The following ITPR1 variants were observed in gnomAD, a reference collection of about 807,000 sequenced individuals.
ITPR1 encodes inositol 1,4,5-trisphosphate receptor type 1, also known as inositol 1,4,5-trisphosphate-gated calcium channel ITPR1.
A neutral mutation model predicts 318.4 loss-of-function variants in ITPR1; 96 were observed. That is an observed-to-expected ratio of 0.30 (90% CI 0.26 to 0.36). ITPR1 has a LOEUF of 0.36. Ranked by LOEUF, ITPR1 falls within the 10% of genes least tolerant of loss-of-function variation. The pLI is 1.00. For synonymous variants in ITPR1, 1,312 were observed against 1,289.9 expected (o/e 1.02, Z -0.37); for missense variants, 2,440 against 3,460.2 (o/e 0.71, Z 7.40).
At chr3:4,656,121 C>T (rs539917787) in intron 12 of ITPR1, among the ~76,000 whole-genome samples, 1 of 152,312 alleles carries the variant, frequency 6.6e-6, no homozygotes, top group African/African-American at 2.4e-5. Flanking sequence ...CAGAGGCTCC[C>T]GCTCCTCTGC....
chr3:4,550,776 A>G (rs1011674678), intron 4 of ITPR1, among the ~76,000 whole-genome samples: 1 of 152,102 alleles, frequency 6.6e-6, no homozygotes, highest in African/African-American at 2.4e-5. Context: ...GCTACTAGGG[A>G]GGCTAAGGCA....
rs1040378394 is a variant in ITPR1, at chr3:4,567,750, C to T, written c.163+46656C>T. ...ACGAGTAGCTGGGACTACAGGCATG[C>T]GTCACCACACCCAGCTAATTTTTTT... is the stretch of plus-strand genomic sequence containing the variant. On this transcript the variant is annotated intron_variant, in intron 4 of 61. Transcript: ENST00000649015. 7.2e-5 allele frequency among the ~76,000 whole-genome samples: 11 copies of T among 152,152 alleles called. 1 individual carries two copies. The highest frequency in any genetic ancestry group is 2.0e-4 in the Admixed American group (3 of 15,288).
chr3:4,630,867 G>A (rs1269365851), intron 5 of ITPR1, among the ~76,000 whole-genome samples: 1 of 152,094 alleles, frequency 6.6e-6, no homozygotes, highest in Non-Finnish European at 1.5e-5. Flanking sequence ...GATTATAGGG[G>A]TGAGCCACCG....
chr3:4,582,580 A>G (rs972637876), intron 4 of ITPR1, among the ~76,000 whole-genome samples: 1 of 152,220 alleles, frequency 6.6e-6, no homozygotes, highest in Non-Finnish European at 1.5e-5. Flanking sequence ...ATCCAAGATG[A>G]TGAGTGGTTG....
Position 4,800,613 on chromosome 3 carries a change from AC to A in ITPR1, c.7107+15del, listed in dbSNP as rs1286113943. On this transcript the variant is annotated intron_variant, in intron 54 of 61. Transcript: ENST00000649015. Reference sequence around the variant, plus strand: ...GGGCGCTTTCAATGTAAGTGTGAATACCTTCCTTGCCACTGTTTTGTTTGCA... The same window carrying A: ...GGGCGCTTTCAATGTAAGTGTGAATACTTCCTTGCCACTGTTTTGTTTGCA... 6.2e-7 allele frequency: 1 copy of A among 1,612,142 alleles called. No individual in the cohort carries two copies. The highest frequency in any genetic ancestry group is 8.5e-7 in the Non-Finnish European group (1 of 1,178,450).
At chr3:4,711,692 T>C in intron 38 of ITPR1, 65 bp from the exon 39 acceptor site, 2 of 845,356 alleles carry the variant, frequency 2.4e-6, no homozygotes, top group South Asian at 3.0e-5. Flanking sequence ...AATAAATTGC[T>C]TGTGAAGTCT....
intron 39 of ITPR1, among the ~76,000 whole-genome samples, chr3:4,716,244 C>A (rs1041294450): frequency 1.3e-5 from 2 of 152,112 alleles, no homozygotes; most frequent in Non-Finnish European, 2.9e-5. Context: ...CTAAATAGCT[C>A]TAAAATTTAA....
At chr3:4,762,555 C>T (rs980897736) in intron 44 of ITPR1, among the ~76,000 whole-genome samples, 2 of 152,202 alleles carry the variant, frequency 1.3e-5, no homozygotes, top group Non-Finnish European at 2.9e-5. Flanking sequence ...TCACATTCTA[C>T]TAATGTAATG....
chr3:4,596,348 T>A (rs1459937049), intron 4 of ITPR1, among the ~76,000 whole-genome samples: 1 of 152,216 alleles, frequency 6.6e-6, no homozygotes, highest in East Asian at 1.9e-4. Flanking sequence ...TATTAGTTTT[T>A]AAAAATGTTT....
intron 4 of ITPR1, among the ~76,000 whole-genome samples, chr3:4,608,392 G>C (rs1198526151): frequency 6.6e-6 from 1 of 152,110 alleles, no homozygotes; most frequent in East Asian, 1.9e-4. Context: ...AGCTTCTTTT[G>C]AGACACGATT....
rs554884100 is a variant in ITPR1, at chr3:4,621,151, C to T, written c.164-6612C>T. Among the ~76,000 whole-genome samples, 38 of 152,194 alleles carry T rather than the reference C, an allele frequency of 2.5e-4. 2 individuals are homozygous for T. Among genetic ancestry groups the T allele is most frequent in the Admixed American group, 7.9e-4 (12 of 15,284 alleles). ...CATCACTGTATTAGCGTAATGTTGT[C>T]GCACTGCTACAGAGAAATACAAGAT... On this transcript the variant is annotated intron_variant, in intron 4 of 61. Coordinates refer to ENST00000649015, the MANE Select transcript of ITPR1 (RefSeq NM_001378452.1).
intron 10 of ITPR1, among the ~76,000 whole-genome samples, chr3:4,649,523 C>T (rs1488446165): frequency 6.6e-6 from 1 of 152,176 alleles, no homozygotes; most frequent in Non-Finnish European, 1.5e-5. Flanking sequence ...CAATATCCTC[C>T]CATTCTCCTG....
At chr3:4,820,836 T>A (rs1172844537) in intron 60 of ITPR1, among the ~76,000 whole-genome samples, 1 of 152,102 alleles carries the variant, frequency 6.6e-6, no homozygotes, top group Non-Finnish European at 1.5e-5. Context: ...TGCGGACTCC[T>A]AAGGGAGCAT....
intron 44 of ITPR1, among the ~76,000 whole-genome samples, chr3:4,738,490 G>A (rs746531907): frequency 6.6e-6 from 1 of 152,276 alleles, no homozygotes; most frequent in East Asian, 1.9e-4. Flanking sequence ...GAAGTCAGAG[G>A]CCCCATTCGG....
At chr3:4,644,055 A>G (rs2093399180) in intron 7 of ITPR1, 81 bp from the exon 8 acceptor site, 1 of 860,130 alleles carries the variant, frequency 1.2e-6, no homozygotes, top group Non-Finnish European at 1.9e-6. Context: ...ACAGACTCAT[A>G]TGTCTTCTAG....
intron 4 of ITPR1, among the ~76,000 whole-genome samples, chr3:4,560,356 A>G (rs1168890146): frequency 1.3e-5 from 2 of 151,712 alleles, no homozygotes; most frequent in Admixed American, 6.6e-5. Flanking sequence ...GATTTTTTAA[A>G]CAAAATTGTA....
At chr3:4,649,405 AT>A (rs2125166800) in intron 10 of ITPR1, among the ~76,000 whole-genome samples, 1 of 152,276 alleles carries the variant, frequency 6.6e-6, no homozygotes, top group African/African-American at 2.4e-5. Context: ...AACACCATGT[AT>A]TTTATATTTG....
chr3:4,514,002 G>T (rs1008563335), intron 2 of ITPR1, among the ~76,000 whole-genome samples: 6 of 151,942 alleles, frequency 3.9e-5, no homozygotes, highest in Non-Finnish European at 7.4e-5. Context: ...CGGGAGAATC[G>T]CTTGAACCTG....
chr3:4,703,235 A>C (rs369321279), intron 36 of ITPR1, among the ~76,000 whole-genome samples: 1 of 152,208 alleles, frequency 6.6e-6, no homozygotes, highest in Non-Finnish European at 1.5e-5. Context: ...CGATACACAC[A>C]GCTTATTCAA....
Sources: allele counts gnomAD v4.1 joint callset (sites outside exome capture counted in the v4.1 genomes callset), GRCh38; gene constraint gnomAD v4.1.1; transcripts MANE v1.5; gene names NCBI Gene and HGNC (gene_info 2026-07-23, HGNC 2026-07-21).